The following TMEM117 variants were observed in gnomAD, a reference collection of about 807,000 sequenced individuals.
The protein encoded by TMEM117 is transmembrane protein 117.
In TMEM117, 27 loss-of-function variants were observed where a neutral mutation model predicts 52.4. The observed-to-expected ratio is 0.51, with a 90% CI of 0.38 to 0.71. The LOEUF (loss-of-function observed/expected upper bound fraction) is 0.71, where lower values mean the gene tolerates loss of function less well. Among genes scored for constraint, TMEM117 ranks in the 30% least tolerant of loss-of-function variants. The probability of loss-of-function intolerance (pLI) is 0.00; values close to 1 mark genes in which losing one functional copy is unlikely to be tolerated. For missense variants in TMEM117, 556 were observed against 630.5 expected, an observed-to-expected ratio of 0.88 and a Z score of 1.26; for synonymous variants, 215 against 206.3, an observed-to-expected ratio of 1.04 and a Z score of -0.36.
chr12:43,847,735 A>C (rs1251061507), intron 2 of TMEM117, among the ~76,000 whole-genome samples: 1 of 152,062 alleles, frequency 6.6e-6, no homozygotes, highest in Non-Finnish European at 1.5e-5. Context: ...ATAAATGGAG[A>C]GTTCTAGTAA....
chr12:44,186,520 C>T (rs746912188), intron 4 of TMEM117, among the ~76,000 whole-genome samples: 9 of 152,202 alleles, frequency 5.9e-5, no homozygotes, highest in African/African-American at 2.2e-4. Flanking sequence ...TTGTGTCACA[C>T]GTAACCAGTT....
chr12:44,160,396 G>A (rs560368085), intron 4 of TMEM117, among the ~76,000 whole-genome samples: 2 of 152,204 alleles, frequency 1.3e-5, no homozygotes, highest in South Asian at 2.1e-4. Flanking sequence ...AGTGCAGTAC[G>A]ATCCACCAAT....
intron 6 of TMEM117, among the ~76,000 whole-genome samples, chr12:44,311,587 G>C (rs1170977113): frequency 1.3e-5 from 2 of 151,738 alleles, no homozygotes; most frequent in Non-Finnish European, 2.9e-5. Context: ...GGAGGACGTA[G>C]AGATGACAGC....
chr12:44,338,092 C>T (rs1398843793), intron 6 of TMEM117, among the ~76,000 whole-genome samples: 2 of 151,596 alleles, frequency 1.3e-5, no homozygotes, highest in African/African-American at 4.9e-5. Context: ...TTTAAAGGTT[C>T]ATTAAAGCAG....
intron 5 of TMEM117, among the ~76,000 whole-genome samples, chr12:44,274,247 A>C (rs541828589): frequency 6.6e-6 from 1 of 152,240 alleles, no homozygotes; most frequent in East Asian, 1.9e-4. Context: ...AACTTTACCA[A>C]AGAAGTGAAA....
At chr12:43,829,238 C>T in the TMEM117 span, among the ~76,000 whole-genome samples, 32 of 152,260 alleles carry the variant, frequency 2.1e-4, no homozygotes, top group East Asian at 7.7e-4. Context: ...TTTATTTTCC[C>T]GTTTCAGATT....
At chr12:44,084,167 A>G (rs1018818243) in intron 3 of TMEM117, among the ~76,000 whole-genome samples, 2 of 152,164 alleles carry the variant, frequency 1.3e-5, no homozygotes, top group African/African-American at 4.8e-5. Flanking sequence ...ACTAAGAGTG[A>G]TCCTTTATCC....
chr12:44,340,944 C>T (rs529961085), intron 6 of TMEM117, among the ~76,000 whole-genome samples: 21 of 152,172 alleles, frequency 1.4e-4, no homozygotes, highest in African/African-American at 4.8e-4. Context: ...CATCCACCCA[C>T]CTCCCATCTC....
intron 2 of TMEM117, among the ~76,000 whole-genome samples, chr12:43,930,865 G>T (rs1293725962): frequency 2.0e-5 from 3 of 152,136 alleles, no homozygotes; most frequent in African/African-American, 4.8e-5. Context: ...TGGCCTCATT[G>T]CAGGAAGGAG....
chr12:43,803,729 T>A, the TMEM117 span, among the ~76,000 whole-genome samples: 1 of 152,106 alleles, frequency 6.6e-6, no homozygotes, highest in Admixed American at 6.5e-5. Context: ...TGTAAACAAA[T>A]GCATATTTTA....
At chr12:44,309,825 T>C (rs1471176780) in intron 6 of TMEM117, among the ~76,000 whole-genome samples, 1 of 152,084 alleles carries the variant, frequency 6.6e-6, no homozygotes, top group Non-Finnish European at 1.5e-5. Context: ...CCATACTTTT[T>C]TTCATAACTT....
rs187165138 is a variant in TMEM117 at position 44,179,376 on chromosome 12, G to A, written c.511-31914G>A. Among the ~76,000 whole-genome samples, 225 of 152,292 alleles carry A rather than the reference G, an allele frequency of 1.5e-3. 2 individuals carry two copies. Among genetic ancestry groups the A allele is most frequent in the African/African-American group, 5.1e-3 (212 of 41,566 alleles). ...CCAAGTCCAAAAGCCTCAAAACCAGGGAAGCTGACAATGCAAGCATCAGTC... is the reference window on the plus strand; with the variant it reads ...CCAAGTCCAAAAGCCTCAAAACCAGAGAAGCTGACAATGCAAGCATCAGTC... On this transcript the variant is annotated intron_variant, in intron 4 of 7. Coordinates refer to ENST00000266534, the MANE Select transcript of TMEM117 (RefSeq NM_032256.3).
rs73286275 is a variant in TMEM117 at position 44,033,421 on chromosome 12, C to T, written c.410+89079C>T. Among the ~76,000 whole-genome samples, 428 of 152,244 alleles carry T rather than the reference C, an allele frequency of 2.8e-3. 4 individuals carry two copies. Among genetic ancestry groups the T allele is most frequent in the African/African-American group, 9.9e-3 (411 of 41,538 alleles). ...TCTTTCTTGCATGAGATCCAAGAAC[C>T]CTCTGTGGGAGCCTGGATCAGGTGG... On this transcript the variant is annotated intron_variant, in intron 3 of 7. Coordinates refer to ENST00000266534, the MANE Select transcript of TMEM117 (RefSeq NM_032256.3).
At chr12:44,190,576 G>A (rs182951082) in intron 4 of TMEM117, among the ~76,000 whole-genome samples, 19 of 152,162 alleles carry the variant, frequency 1.2e-4, no homozygotes, top group African/African-American at 4.1e-4. Context: ...TAGAGGATAA[G>A]TAACTGTGTC....
chr12:44,224,759 G>A (rs558546119), intron 5 of TMEM117, among the ~76,000 whole-genome samples: 2 of 152,178 alleles, frequency 1.3e-5, no homozygotes, highest in South Asian at 2.1e-4. Context: ...CTACCCCAGA[G>A]GCAATGAGAT....
At chr12:44,267,329 A>G (rs1279720955) in intron 5 of TMEM117, among the ~76,000 whole-genome samples, 1 of 152,056 alleles carries the variant, frequency 6.6e-6, no homozygotes, top group African/African-American at 2.4e-5. Context: ...TTACTAGTGT[A>G]TAAGAAATAA....
At chr12:44,092,071 C>T (rs1947682876) in intron 3 of TMEM117, among the ~76,000 whole-genome samples, 2 of 152,166 alleles carry the variant, frequency 1.3e-5, no homozygotes, top group African/African-American at 4.8e-5. Context: ...GATGCCTCAT[C>T]TTGGAATATG....
intron 7 of TMEM117, among the ~76,000 whole-genome samples, chr12:44,385,450 T>G (rs1172831834): frequency 6.6e-6 from 1 of 152,048 alleles, no homozygotes; most frequent in African/African-American, 2.4e-5. Flanking sequence ...AAGAAAGTAG[T>G]GGGAGCCAGG....
chr12:43,845,033 T>C, intron 2 of TMEM117, 105 bp downstream of exon 2: 2 of 1,321,004 alleles, frequency 1.5e-6, no homozygotes, highest in South Asian at 3.0e-5. Flanking sequence ...GGCATTTTAG[T>C]TTGTCCTCCT....
Sources: allele counts gnomAD v4.1 joint callset (sites outside exome capture counted in the v4.1 genomes callset), GRCh38; gene constraint gnomAD v4.1.1; transcripts MANE v1.5; gene names NCBI Gene and HGNC (gene_info 2026-07-23, HGNC 2026-07-21).